The following DMXL2 variants were observed in gnomAD, a reference collection of about 807,000 sequenced individuals.
The protein encoded by DMXL2 is Dmx like 2.
A neutral mutation model predicts 331.1 loss-of-function variants in DMXL2; 103 were observed. The observed-to-expected ratio is 0.31, with a 90% CI of 0.27 to 0.37. DMXL2 has a LOEUF of 0.37. Among genes scored for constraint, DMXL2 ranks in the 10% least tolerant of loss-of-function variants. The pLI is 1.00. For synonymous variants in DMXL2, 1,281 were observed against 1,252.1 expected, an observed-to-expected ratio of 1.02 and a Z score of -0.49; for missense variants, 3,171 against 3,642.9, an observed-to-expected ratio of 0.87 and a Z score of 3.33.
chr15:51,539,087 G>C (rs538571903), intron 9 of DMXL2, among the ~76,000 whole-genome samples: 1 of 151,984 alleles, frequency 6.6e-6, no homozygotes, highest in African/African-American at 2.4e-5. Flanking sequence ...GGGTGTGCCT[G>C]TAGTCCCATC....
At position 51,506,142 on chromosome 15, in the gene DMXL2, G is replaced by A. The variant is rs565259693; in HGVS notation, c.2764+992C>T. On this transcript the variant is annotated intron_variant, in intron 16 of 43. Coordinates refer to ENST00000560891, the MANE Select transcript of DMXL2 (RefSeq NM_001378457.1). Reference sequence around the variant, plus strand: ...GGCTGGAGTGCGGTGGTGCAGTCTCGGCTCATTGCAGCCTCTGACTCCAGG... The same window carrying A: ...GGCTGGAGTGCGGTGGTGCAGTCTCAGCTCATTGCAGCCTCTGACTCCAGG... 2.4e-4 allele frequency among the ~76,000 whole-genome samples: 37 copies of A among 151,314 alleles called. No homozygotes were observed. In the East Asian group the frequency reaches 2.6e-3, roughly 10 times the overall value.
At chr15:51,601,458 G>C (rs2053226741) in intron 1 of DMXL2, among the ~76,000 whole-genome samples, 1 of 152,098 alleles carries the variant, frequency 6.6e-6, no homozygotes, top group Non-Finnish European at 1.5e-5. Context: ...TATGGGGTGA[G>C]ATAGGGACCA....
intron 17 of DMXL2, 62 bp from the exon 18 acceptor site, chr15:51,500,293 A>G (rs1250849836): frequency 6.9e-7 from 1 of 1,446,642 alleles, no homozygotes; most frequent in Non-Finnish European, 9.2e-7. Context: ...ATAATATGGT[A>G]GTAATCAAAT....
At chr15:51,458,141 T>C (rs978354688) in intron 36 of DMXL2, 1 of 171,432 alleles carries the variant, frequency 5.8e-6, no homozygotes, top group Admixed American at 5.6e-5. Flanking sequence ...AGAAAAGGTA[T>C]GCTTATCAGG....
intron 13 of DMXL2, among the ~76,000 whole-genome samples, chr15:51,533,435 A>G (rs945555039): frequency 6.6e-6 from 1 of 152,214 alleles, no homozygotes; most frequent in Admixed American, 6.5e-5. Context: ...ATAATGGAGA[A>G]CAAATAGAAC....
chr15:51,488,492 TACTC>T lies in DMXL2; in HGVS notation c.5051+52_5051+55del, dbSNP rs1463796591. 1.2e-5 allele frequency: 17 copies of T among 1,437,200 alleles called. No homozygotes were observed. In the South Asian group the frequency reaches 1.9e-4, roughly 16 times the overall value. 89.0% of individuals were successfully genotyped at this position (1,437,200 alleles called of 1,614,324 possible). A position where few individuals can be genotyped will look rare whatever the true frequency, so the allele number is the denominator to read the frequency against. On this transcript the variant is annotated intron_variant, in intron 21 of 43. Coordinates refer to ENST00000560891, the MANE Select transcript of DMXL2 (RefSeq NM_001378457.1). ...TTATTTTCAAAAGCATTAGGTTTCT[TACTC>T]ACAGCACAATCTTCATTCTGTTGAA...
intron 23 of DMXL2, among the ~76,000 whole-genome samples, chr15:51,482,655 A>G (rs1479546430): frequency 6.6e-6 from 1 of 152,246 alleles, no homozygotes; most frequent in Admixed American, 6.5e-5. Flanking sequence ...GGGGCAGGAA[A>G]TGTACAAGAT....
intron 29 of DMXL2, among the ~76,000 whole-genome samples, chr15:51,469,064 A>AAATC (rs1261782326): frequency 6.6e-6 from 1 of 152,242 alleles, no homozygotes; most frequent in Non-Finnish European, 1.5e-5. Context: ...TGATTTGAAC[A>AAATC]AATCAACTAT....
chr15:51,535,606 T>G, intron 13 of DMXL2, 57 bp downstream of exon 13: 1 of 1,497,052 alleles, frequency 6.7e-7, no homozygotes, highest in Non-Finnish European at 9.0e-7. Context: ...CTAGACAAAG[T>G]CAAAAGAGAA....
chr15:51,456,970 G>C, intron 37 of DMXL2, among the ~76,000 whole-genome samples: 1 of 152,044 alleles, frequency 6.6e-6, no homozygotes, highest in East Asian at 1.9e-4. Flanking sequence ...CCAGGAGTTC[G>C]AGAACAGCCT....
chr15:51,519,167 C>G (rs2047202274), intron 13 of DMXL2, among the ~76,000 whole-genome samples: 1 of 151,880 alleles, frequency 6.6e-6, no homozygotes, highest in South Asian at 2.1e-4. Context: ...TAACATTCTT[C>G]TTTTCTTTTT....
chr15:51,530,797 A>C (rs1239094606), intron 13 of DMXL2, among the ~76,000 whole-genome samples: 1 of 152,112 alleles, frequency 6.6e-6, no homozygotes, highest in Non-Finnish European at 1.5e-5. Flanking sequence ...CAATAGCCAT[A>C]CATAATATTA....
Position 51,536,215 on chromosome 15 carries a change from C to T in DMXL2, c.2265G>A (p.Ala755=), listed in dbSNP as rs374164116. The T allele has an allele frequency of 2.6e-5, 42 of 1,611,204 alleles. No homozygotes were observed. Among genetic ancestry groups the T allele is most frequent in the African/African-American group, 2.3e-4 (17 of 74,816 alleles). ...LARINSLHTS[A]FSNVAWLPTL... ...TTGGAAGCCAAGCCACATTAGAGAA[C>T]GCTGAGGTATGTAAAGAGTTAATTC... Residue 755 remains alanine, a synonymous_variant, in exon 12 of 44, where the codon GCG becomes GCA. Transcript: ENST00000560891.
In DMXL2 at chr15:51,457,318, A is replaced by C; in HGVS notation, c.8337+10T>G. On this transcript the variant is annotated intron_variant, in intron 37 of 43. Coordinates refer to ENST00000560891, the MANE Select transcript of DMXL2 (RefSeq NM_001378457.1). ...AATCCAGAAATGATACCTATAAGTA[A>C]ATAACATACCACACTAGCTCCAGTG... 1 of 1,611,442 alleles carries C rather than the reference A, an allele frequency of 6.2e-7. No homozygotes were observed. Among genetic ancestry groups the C allele is most frequent in the Middle Eastern group, 1.7e-4 (1 of 6,038 alleles).
In DMXL2 at chr15:51,571,374, C is replaced by T. The variant is rs188392728; in HGVS notation, c.214-2816G>A. Reference sequence around the variant, plus strand: ...ACTCCACTGTCAATAATAGACACATCGACAAGACAGAAAATTAACAAGGAT... The same window carrying T: ...ACTCCACTGTCAATAATAGACACATTGACAAGACAGAAAATTAACAAGGAT... On this transcript the variant is annotated intron_variant, in intron 2 of 43. Coordinates refer to ENST00000560891, the MANE Select transcript of DMXL2 (RefSeq NM_001378457.1). Among the ~76,000 whole-genome samples the T allele has an allele frequency of 1.1e-3, 169 of 152,236 alleles. 1 individual carries two copies. The highest frequency in any genetic ancestry group is 3.8e-3 in the African/African-American group (159 of 41,538).
intron 21 of DMXL2, 26 bp downstream of exon 21, chr15:51,488,522 T>C: frequency 6.4e-7 from 1 of 1,564,286 alleles, no homozygotes; most frequent in Non-Finnish European, 8.8e-7. Context: ...TTCTGTTGAA[T>C]CACGTTAAGT....
rs541054530 is a variant in DMXL2 at position 51,542,449 on chromosome 15, G to A, written c.989C>T (p.Thr330Ile). 4.3e-6 allele frequency: 7 copies of A among 1,613,628 alleles called. No individual in the cohort carries two copies. Among genetic ancestry groups the A allele is most frequent in the South Asian group, 2.2e-5 (2 of 91,062 alleles). ...KGQRRSSVLV[T>I]HAELMPDQTA... ...CTGGTCGGGCATTAATTCAGCATGA[G>A]TTACAAGAACAGATGACCTCCTCTG... Residue 330 changes from threonine (T) to isoleucine (I), a missense_variant, in exon 9 of 44, where the codon ACT becomes ATT. By Grantham distance (89) the Thr-to-Ile change is moderately conservative. Around this residue, in one of 7 missense-constraint regions of DMXL2, gnomAD observed 1,674 missense variants for 1,780.2 expected, o/e 0.94. Coordinates refer to ENST00000560891, the MANE Select transcript of DMXL2 (RefSeq NM_001378457.1).
At chr15:51,466,926 CTAAG>C (rs2040635632) in intron 29 of DMXL2, among the ~76,000 whole-genome samples, 1 of 151,162 alleles carries the variant, frequency 6.6e-6, no homozygotes, top group Admixed American at 6.6e-5. Flanking sequence ...GGATATTAAA[CTAAG>C]TAAGAAAAAT....
At chr15:51,541,063 G>C (rs982817880) in intron 9 of DMXL2, among the ~76,000 whole-genome samples, 2 of 151,994 alleles carry the variant, frequency 1.3e-5, no homozygotes, top group East Asian at 3.8e-4. Flanking sequence ...TTCAAGAAAC[G>C]GTTCTTTTAA....
Sources: allele counts gnomAD v4.1 joint callset (sites outside exome capture counted in the v4.1 genomes callset), GRCh38; gene constraint gnomAD v4.1.1; regional missense constraint gnomAD v4.1.1; transcripts MANE v1.5; gene names NCBI Gene and HGNC (gene_info 2026-07-23, HGNC 2026-07-21).